RNF111: variants seen among roughly 807,000 people sequenced by gnomAD.
The protein encoded by RNF111 is E3 ubiquitin-protein ligase Arkadia.
In RNF111, 17 loss-of-function variants were observed where a neutral mutation model predicts 95.1. The ratio of observed to expected loss-of-function variants is 0.18; its 90% CI spans 0.12 to 0.27. The LOEUF (loss-of-function observed/expected upper bound fraction) is 0.27, where lower values mean the gene tolerates loss of function less well. RNF111 is among the 10% of genes least tolerant of loss of function. RNF111 has a pLI of 1.00. For synonymous variants in RNF111, 440 were observed against 414.8 expected (o/e 1.06, Z -0.74); for missense variants, 1,189 against 1,210.4 (o/e 0.98, Z 0.26).
At chr15:59,068,115 G>C (rs2042745756) in intron 6 of RNF111, among the ~76,000 whole-genome samples, 1 of 152,122 alleles carries the variant, frequency 6.6e-6, no homozygotes, top group Admixed American at 6.5e-5. Flanking sequence ...TGCAACTCAG[G>C]AGGCTGAGGC....
At chr15:59,088,590 A>C (rs1368166993) in intron 10 of RNF111, among the ~76,000 whole-genome samples, 1 of 152,202 alleles carries the variant, frequency 6.6e-6, no homozygotes, top group African/African-American at 2.4e-5. Flanking sequence ...TTTATTTATA[A>C]AGATGGAAGA....
At position 59,002,031 on chromosome 15, in the gene RNF111, G is replaced by A. The variant is rs192147011; in HGVS notation, c.-20+13963G>A. On this transcript the variant is annotated intron_variant, in intron 1 of 13. Coordinates refer to ENST00000348370, the MANE Select transcript of RNF111 (RefSeq NM_017610.8). ...TGACGGAAAATGATGATAAAATGGC[G>A]AAATGAGGTTAATGACATGGGCACT... Among the ~76,000 whole-genome samples the A allele has an allele frequency of 3.9e-5, 6 of 152,296 alleles. No individual in the cohort carries two copies. The East Asian group carries it at 5.8e-4, about 15-fold the overall frequency.
intron 1 of RNF111, among the ~76,000 whole-genome samples, chr15:58,989,395 T>C (rs1223842822): frequency 6.6e-6 from 1 of 152,012 alleles, no homozygotes; most frequent in Non-Finnish European, 1.5e-5. Context: ...CTCCTGCTCA[T>C]TTGTTTGTGA....
At chr15:59,079,476 G>A (rs2078672024) in intron 7 of RNF111, among the ~76,000 whole-genome samples, 2 of 152,126 alleles carry the variant, frequency 1.3e-5, no homozygotes, top group Admixed American at 6.5e-5. Flanking sequence ...ATGCTAACAA[G>A]GCATACTTTG....
chr15:59,069,119 A>G (rs1182744751), intron 6 of RNF111, among the ~76,000 whole-genome samples: 1 of 151,854 alleles, frequency 6.6e-6, no homozygotes, highest in Non-Finnish European at 1.5e-5. Flanking sequence ...TTGAAAATAC[A>G]GCTGGTCCTA....
At chr15:59,009,627 T>C (rs2039698890) in intron 1 of RNF111, among the ~76,000 whole-genome samples, 1 of 151,852 alleles carries the variant, frequency 6.6e-6, no homozygotes, top group Non-Finnish European at 1.5e-5. Flanking sequence ...TGTGAGTGAG[T>C]GTCCAGAATA....
rs2079183891 is a variant in RNF111 at position 59,096,890 on chromosome 15, C to G, written c.*1990C>G. 2 of 152,086 alleles carry G rather than the reference C, an allele frequency of 1.3e-5. No homozygotes were observed. Among genetic ancestry groups the G allele is most frequent in the African/African-American group, 4.8e-5 (2 of 41,410 alleles). The allele number at this position is 152,086 out of a possible 1,614,324, so 9.4% of individuals were successfully genotyped here. A position where few individuals can be genotyped will look rare whatever the true frequency, so the allele number is the denominator to read the frequency against. ...GTCATGGAGTCCTCTTGACGTTCCC[C>G]CAGATACAAGTAAAGCACAGGTGGA... On this transcript the variant is annotated 3_prime_UTR_variant, in exon 14 of 14. Coordinates refer to ENST00000348370, the MANE Select transcript of RNF111 (RefSeq NM_017610.8).
intron 1 of RNF111, among the ~76,000 whole-genome samples, chr15:59,022,989 G>A (rs1458672795): frequency 6.6e-6 from 1 of 152,226 alleles, no homozygotes; most frequent in Non-Finnish European, 1.5e-5. Context: ...GCTTACGCCT[G>A]TAATCCCAGC....
intron 1 of RNF111, among the ~76,000 whole-genome samples, chr15:59,023,708 T>C (rs1421009244): frequency 1.3e-5 from 2 of 152,208 alleles, no homozygotes; most frequent in Non-Finnish European, 2.9e-5. Flanking sequence ...TCCAGAAGAA[T>C]GTTTTATAAC....
chr15:59,064,558 A>C (rs1277339431), intron 5 of RNF111, among the ~76,000 whole-genome samples: 1 of 149,494 alleles, frequency 6.7e-6, no homozygotes, highest in Non-Finnish European at 1.5e-5. Flanking sequence ...AAAAAAGGAA[A>C]TAATTTGTCG....
chr15:59,001,924 C>T (rs1373421044), intron 1 of RNF111, among the ~76,000 whole-genome samples: 1 of 151,958 alleles, frequency 6.6e-6, no homozygotes, highest in African/African-American at 2.4e-5. Context: ...ATAGCAATAA[C>T]TAATAAAAAA....
At chr15:59,025,918 C>T (rs1030868078) in intron 1 of RNF111, among the ~76,000 whole-genome samples, 6 of 151,868 alleles carry the variant, frequency 4.0e-5, no homozygotes, top group African/African-American at 9.7e-5. Context: ...TTGGTGGAGA[C>T]GGGTTTTTTC....
intron 13 of RNF111, chr15:59,093,361 T>TA (rs1555403300): frequency 1.3e-5 from 4 of 299,686 alleles, no homozygotes; most frequent in Admixed American, 4.6e-5. Flanking sequence ...TTTTTTTTTT[T>TA]CCTTTTCTGG....
intron 1 of RNF111, among the ~76,000 whole-genome samples, chr15:58,997,417 A>C (rs2039125143): frequency 6.6e-6 from 1 of 152,132 alleles, no homozygotes; most frequent in Non-Finnish European, 1.5e-5. Flanking sequence ...GGTGCAAAAA[A>C]CAGTGGTGCA....
At chr15:58,998,624 G>T (rs1241378557) in intron 1 of RNF111, among the ~76,000 whole-genome samples, 1 of 152,138 alleles carries the variant, frequency 6.6e-6, no homozygotes, top group East Asian at 1.9e-4. Context: ...GTGTGAACTT[G>T]GATATTTGTA....
chr15:59,042,546 C>A (rs1038437654), intron 2 of RNF111, among the ~76,000 whole-genome samples: 1 of 152,172 alleles, frequency 6.6e-6, no homozygotes, highest in East Asian at 1.9e-4. Context: ...CATTTCCCCC[C>A]AGTCCTTGTA....
chr15:59,013,234 A>G (rs1236730651), intron 1 of RNF111, among the ~76,000 whole-genome samples: 1 of 152,246 alleles, frequency 6.6e-6, no homozygotes, highest in African/African-American at 2.4e-5. Flanking sequence ...TTGCAAAAAT[A>G]GTACACAGAG....
chr15:59,033,053 A>ATCT (rs2040994612), intron 2 of RNF111, among the ~76,000 whole-genome samples: 1 of 152,230 alleles, frequency 6.6e-6, no homozygotes, highest in Admixed American at 6.5e-5. Flanking sequence ...TGAGCATTGA[A>ATCT]GAGCTGTCTG....
At chr15:59,061,030 C>T (rs1350038773) in intron 5 of RNF111, among the ~76,000 whole-genome samples, 2 of 151,986 alleles carry the variant, frequency 1.3e-5, no homozygotes, top group Non-Finnish European at 2.9e-5. Context: ...CTCCTGGGCT[C>T]GAGCGATCCA....
Sources: allele counts gnomAD v4.1 joint callset (sites outside exome capture counted in the v4.1 genomes callset), GRCh38; gene constraint gnomAD v4.1.1; transcripts MANE v1.5; gene names NCBI Gene and HGNC (gene_info 2026-07-23, HGNC 2026-07-21).